The following RBCK1 variants were observed in gnomAD, a reference collection of about 807,000 sequenced individuals.
The protein encoded by RBCK1 is ranBP-type and C3HC4-type zinc finger-containing protein 1.
Under a neutral mutation model 71.1 loss-of-function variants are expected in RBCK1, and 44 were observed. That is an observed-to-expected ratio of 0.62 (90% CI 0.49 to 0.80). The LOEUF is 0.80. Ranked by LOEUF, RBCK1 falls within the 30% of genes least tolerant of loss-of-function variation. The pLI is 0.00. For synonymous variants in RBCK1, 306 were observed against 279.7 expected (o/e 1.09, Z -0.94); for missense variants, 569 against 685.0 (o/e 0.83, Z 1.89).
intron 7 of RBCK1, 106 bp downstream of exon 7, chr20:421,137 C>T (rs2016409349): frequency 2.2e-6 from 3 of 1,344,108 alleles, no homozygotes; most frequent in Non-Finnish European, 3.0e-6. Context: ...CATTGGACGC[C>T]CGCGAAAACC....
intron 2 of RBCK1, among the ~76,000 whole-genome samples, chr20:412,809 A>G (rs879548633): frequency 7.2e-5 from 11 of 152,130 alleles, no homozygotes; most frequent in Non-Finnish European, 5.9e-5. Context: ...CAGTTAGTCT[A>G]TGTTTTATTT....
intron 11 of RBCK1, among the ~76,000 whole-genome samples, chr20:429,756 C>A (rs2016924227): frequency 6.6e-6 from 1 of 152,172 alleles, no homozygotes; most frequent in Non-Finnish European, 1.5e-5. Flanking sequence ...TTTGCCCACT[C>A]CTGCCCTAGA....
chr20:415,415 T>C (rs1455543578), intron 2 of RBCK1, among the ~76,000 whole-genome samples: 1 of 152,066 alleles, frequency 6.6e-6, no homozygotes, highest in East Asian at 1.9e-4. Flanking sequence ...TTATCACACC[T>C]TAGAAAAGGA....
intron 2 of RBCK1, among the ~76,000 whole-genome samples, chr20:413,977 A>C (rs1256682902): frequency 6.6e-6 from 1 of 152,004 alleles, no homozygotes; most frequent in Non-Finnish European, 1.5e-5. Context: ...GAAATACAGT[A>C]AAAATCCAGA....
intron 6 of RBCK1, chr20:420,521 A>C: frequency 1.0e-6 from 1 of 982,620 alleles, no homozygotes; most frequent in African/African-American, 1.8e-5. Context: ...CACCACTCAG[A>C]CCCCGGCCCC....
In RBCK1 at chr20:430,245, G is replaced by A; in HGVS notation, c.1453-105G>A. The A allele has an allele frequency of 1.0e-6, 1 of 996,670 alleles. No homozygotes were observed. Among genetic ancestry groups the A allele is most frequent in the Non-Finnish European group, 1.5e-6 (1 of 652,102 alleles). 61.7% of individuals were successfully genotyped at this position (996,670 alleles called of 1,614,324 possible). A position where few individuals can be genotyped will look rare whatever the true frequency, so the allele number is the denominator to read the frequency against. On this transcript the variant is annotated intron_variant, in intron 11 of 11. Transcript: ENST00000356286. This position sits in a 1 kb window ranked among gnomAD's most constrained non-coding sequence, Gnocchi z 5.6. ...AGCTGAGGCTGACCAGGCCATTCTT[G>A]CAGGAGGACCTGCAGAGGCAAAGGC... is the stretch of plus-strand genomic sequence containing the variant.
At position 429,217 on chromosome 20, in the gene RBCK1, G is replaced by A. The variant is rs571004344; in HGVS notation, c.1452+123G>A. On this transcript the variant is annotated intron_variant, in intron 11 of 11. Coordinates refer to ENST00000356286, the MANE Select transcript of RBCK1 (RefSeq NM_031229.4). ...CAGCACCTGAATTTGTACAGCTCCC[G>A]AGGTAAGAATTTTTTTTTTTTTTTT... 1.4e-4 allele frequency: 185 copies of A among 1,315,018 alleles called. 1 individual carries two copies. In the East Asian group the frequency reaches 4.2e-3, roughly 30 times the overall value. The allele number at this position is 1,315,018 out of a possible 1,614,324, so 81.5% of individuals were successfully genotyped here. A position where few individuals can be genotyped will look rare whatever the true frequency, so the allele number is the denominator to read the frequency against.
chr20:411,014 C>T (rs950583899), intron 2 of RBCK1, among the ~76,000 whole-genome samples: 3 of 152,122 alleles, frequency 2.0e-5, no homozygotes, highest in Admixed American at 1.3e-4. Context: ...TCATTAGCAG[C>T]CAGTCCTCAT....
intron 6 of RBCK1, chr20:420,298 G>A (rs2016309177): frequency 3.1e-6 from 3 of 979,422 alleles, no homozygotes; most frequent in East Asian, 2.4e-4. Flanking sequence ...CGCCCCCATC[G>A]TGACACACGC....
rs956079413 is a variant in RBCK1 at position 430,293 on chromosome 20, T to C, written c.1453-57T>C. On this transcript the variant is annotated intron_variant, in intron 11 of 11. Transcript: ENST00000356286. The surrounding 1 kb of genome is among the most constrained non-coding windows in gnomAD (Gnocchi z 5.6). ...GGCCCGGGGTGGGAGAGCGCTCGGC[T>C]GTGGGGGCAGTCTCTGCACTGCGCT... The C allele has an allele frequency of 6.8e-7, 1 of 1,478,784 alleles. No homozygotes were observed. Among genetic ancestry groups the C allele is most frequent in the African/African-American group, 1.4e-5 (1 of 72,096 alleles). 91.6% of individuals were successfully genotyped at this position (1,478,784 alleles called of 1,614,324 possible). A position where few individuals can be genotyped will look rare whatever the true frequency, so the allele number is the denominator to read the frequency against.
intron 2 of RBCK1, 33 bp downstream of exon 2, chr20:410,058 G>A (rs145976650): frequency 6.3e-7 from 1 of 1,599,996 alleles, no homozygotes; most frequent in Non-Finnish European, 8.5e-7. Context: ...GAACCCAAGG[G>A]ACAGCAGGAC....
chr20:427,243 T>G (rs1600312150), intron 8 of RBCK1, 70 bp from the exon 9 acceptor site: 2 of 1,488,274 alleles, frequency 1.3e-6, no homozygotes, highest in Admixed American at 1.8e-5. Context: ...TTCTGGAGGG[T>G]ATTTAGTGGT....
Position 428,037 on chromosome 20 carries a change from C to T in RBCK1, c.1210-454C>T, listed in dbSNP as rs1349928150. Among the ~76,000 whole-genome samples the T allele has an allele frequency of 1.3e-5, 2 of 152,316 alleles. No individual in the cohort carries two copies. The highest frequency in any genetic ancestry group is 2.1e-4 in the South Asian group (1 of 4,826). On this transcript the variant is annotated intron_variant, in intron 9 of 11. Transcript: ENST00000356286. The surrounding 1 kb of genome is among the most constrained non-coding windows in gnomAD (Gnocchi z 5.7). ...ATCCTTCCCCCAGGCCTGTCCCCGC[C>T]GCTTCATCTCAAAAGTTGAAGGTGA...
chr20:417,310 G>T lies in RBCK1; in HGVS notation c.168-216G>T. The stretch of plus-strand genomic sequence containing the variant: ...GTGTGCTGCCACGAGTTGATTCTAA[G>T]AGTAGCGTGGAGCCATTGGAGGGGC... On this transcript the variant is annotated intron_variant, in intron 2 of 11. Transcript: ENST00000356286. This position sits in a 1 kb window ranked among gnomAD's most constrained non-coding sequence, Gnocchi z 4.7. 1 of 716,300 alleles carries T rather than the reference G, an allele frequency of 1.4e-6. No individual in the cohort carries two copies. The highest frequency in any genetic ancestry group is 2.6e-6 in the Non-Finnish European group (1 of 380,798). 44.4% of individuals were successfully genotyped at this position (716,300 alleles called of 1,614,324 possible). A position where few individuals can be genotyped will look rare whatever the true frequency, so the allele number is the denominator to read the frequency against.
Position 417,750 on chromosome 20 carries a change from T to C in RBCK1, c.280T>C (p.Phe94Leu). The C allele has an allele frequency of 2.5e-6, 4 of 1,613,478 alleles. No homozygotes were observed. The East Asian group carries it at 8.9e-5, about 36-fold the overall frequency. ...CCACCAGGTTTTTCTGGACTATGGCTTCCCACCAGTCTTGCAGCAGTGGGT... is the reference window on the plus strand; with the variant it reads ...CCACCAGGTTTTTCTGGACTATGGCCTCCCACCAGTCTTGCAGCAGTGGGT... ...LKDMVFLDYG[F>L]PPVLQQWVIG... Residue 94 changes from phenylalanine (F) to leucine (L), a missense_variant, in exon 4 of 12, where the codon TTC (phenylalanine) becomes CTC (leucine). Physicochemically the swap from Phe to Leu is conservative, Grantham distance 22 (BLOSUM62 0). Transcript: ENST00000356286. This position sits in a 1 kb window ranked among gnomAD's most constrained non-coding sequence, Gnocchi z 4.7.
At chr20:418,443 A>T (rs111379652) in intron 4 of RBCK1, among the ~76,000 whole-genome samples, 3 of 151,844 alleles carry the variant, frequency 2.0e-5, no homozygotes, top group African/African-American at 7.2e-5. Context: ...ATCTCGGCTC[A>T]CTGCAAGCTC....
chr20:428,799 A>AGG lies in RBCK1; in HGVS notation c.1309-148_1309-147dup. 7.0e-7 allele frequency: 1 copy of AGG among 1,432,740 alleles called. No individual in the cohort carries two copies. The highest frequency in any genetic ancestry group is 9.1e-7 in the Non-Finnish European group (1 of 1,096,340). The allele number at this position is 1,432,740 out of a possible 1,614,324, so 88.8% of individuals were successfully genotyped here. A position where few individuals can be genotyped will look rare whatever the true frequency, so the allele number is the denominator to read the frequency against. ...GAGGGTGGAGACCACAGGAATGAAG[A>AGG]GGGGGTTGCTGGATGGAGCCTGGCC... On this transcript the variant is annotated intron_variant, in intron 10 of 11. Transcript: ENST00000356286. This position sits in a 1 kb window ranked among gnomAD's most constrained non-coding sequence, Gnocchi z 5.7.
Position 410,023 on chromosome 20 carries a change from C to T in RBCK1, c.165C>T (p.Ile55=). ...LKPEVSPTQD[I]RLWVSVEDAQ... ...CTGAGGTCTCCCCAACGCAGGACATCAGGTGAGGAGTGCATGGCTGGCCTG... is the reference window on the plus strand; with the variant it reads ...CTGAGGTCTCCCCAACGCAGGACATTAGGTGAGGAGTGCATGGCTGGCCTG... The change falls in exon 2 of 12, where the codon ATC becomes ATT. Residue 55 remains isoleucine (I), a splice_region_variant and synonymous_variant. Coordinates refer to ENST00000356286, the MANE Select transcript of RBCK1 (RefSeq NM_031229.4). 6.2e-7 allele frequency: 1 copy of T among 1,613,570 alleles called. No homozygotes were observed. The highest frequency in any genetic ancestry group is 1.1e-5 in the South Asian group (1 of 91,000).
In RBCK1 at chr20:417,349, T is replaced by C. The variant is rs1459760073; in HGVS notation, c.168-177T>C. 2 of 742,562 alleles carry C rather than the reference T, an allele frequency of 2.7e-6. No individual in the cohort carries two copies. Among genetic ancestry groups the C allele is most frequent in the Non-Finnish European group, 5.0e-6 (2 of 400,898 alleles). The allele number at this position is 742,562 out of a possible 1,614,324, so 46.0% of individuals were successfully genotyped here. On this transcript the variant is annotated intron_variant, in intron 2 of 11. Coordinates refer to ENST00000356286, the MANE Select transcript of RBCK1 (RefSeq NM_031229.4). This position sits in a 1 kb window ranked among gnomAD's most constrained non-coding sequence, Gnocchi z 4.7. ...CATTGGAGGGGCCTAACTGGTGGGT[T>C]CTAATAAAGGAAGAAGCATGGGTGG...
Sources: allele counts gnomAD v4.1 joint callset (sites outside exome capture counted in the v4.1 genomes callset), GRCh38; gene constraint gnomAD v4.1.1; non-coding constraint Gnocchi (gnomAD v3.1); transcripts MANE v1.5; gene names NCBI Gene and HGNC (gene_info 2026-07-23, HGNC 2026-07-21).